The following RAPGEF4 variants were observed in gnomAD, a reference collection of about 807,000 sequenced individuals.
The protein encoded by RAPGEF4 is RAP guanine-nucleotide-exchange factor (GEF) 4.
Under a neutral mutation model 147.9 loss-of-function variants are expected in RAPGEF4, and 66 were observed. The ratio of observed to expected loss-of-function variants is 0.45; its 90% CI spans 0.37 to 0.55. The LOEUF (loss-of-function observed/expected upper bound fraction) is 0.55. Among genes scored for constraint, RAPGEF4 ranks in the 20% least tolerant of loss-of-function variants. RAPGEF4 has a pLI of 0.00. For missense variants in RAPGEF4, 1,071 were observed against 1,257.3 expected (o/e 0.85, Z 2.24); for synonymous variants, 419 against 442.7 (o/e 0.95, Z 0.67).
At chr2:172,846,303 C>T (rs1353829015) in intron 4 of RAPGEF4, among the ~76,000 whole-genome samples, 1 of 152,172 alleles carries the variant, frequency 6.6e-6, no homozygotes, top group African/African-American at 2.4e-5. Flanking sequence ...TATCAATTAG[C>T]CTTTTCTGGA....
chr2:172,914,433 A>C (rs1300403869), intron 4 of RAPGEF4, among the ~76,000 whole-genome samples: 1 of 138,334 alleles, frequency 7.2e-6, no homozygotes, highest in East Asian at 2.1e-4. Flanking sequence ...CTTCTGGTTC[A>C]AGCGATTCTC....
At chr2:173,017,064 G>A in intron 19 of RAPGEF4, 110 bp from the exon 20 acceptor site, 2 of 1,074,246 alleles carry the variant, frequency 1.9e-6, no homozygotes, top group Non-Finnish European at 2.8e-6. Flanking sequence ...TCTCCTGAAA[G>A]GATTCTGTGA....
intron 3 of RAPGEF4, among the ~76,000 whole-genome samples, chr2:172,801,101 G>A (rs1300133750): frequency 6.6e-6 from 1 of 152,140 alleles, no homozygotes; most frequent in Admixed American, 6.5e-5. Context: ...TTTTACCAAA[G>A]GCTTGAAAAC....
chr2:172,955,047 G>A (rs1183312838), intron 6 of RAPGEF4, among the ~76,000 whole-genome samples: 2 of 152,152 alleles, frequency 1.3e-5, no homozygotes, highest in East Asian at 3.9e-4. Flanking sequence ...TACCGCACTG[G>A]TTTGGCAGGA....
At chr2:172,866,754 A>T (rs1694691933) in intron 4 of RAPGEF4, among the ~76,000 whole-genome samples, 2 of 151,974 alleles carry the variant, frequency 1.3e-5, no homozygotes, top group African/African-American at 4.8e-5. Context: ...TGTTACAAAA[A>T]ACCTCTCTCA....
intron 1 of RAPGEF4, among the ~76,000 whole-genome samples, chr2:172,743,955 TG>T (rs1460576310): frequency 6.6e-6 from 1 of 152,258 alleles, no homozygotes; most frequent in East Asian, 1.9e-4. Context: ...AAGCATTCTT[TG>T]TTTGGTGTTC....
At chr2:172,769,069 G>C (rs935137535) in intron 1 of RAPGEF4, among the ~76,000 whole-genome samples, 4 of 152,194 alleles carry the variant, frequency 2.6e-5, no homozygotes, top group African/African-American at 9.7e-5. Flanking sequence ...TATGGTGGAA[G>C]GGGGAGAACT....
chr2:172,915,834 G>A (rs1269482050), intron 4 of RAPGEF4, among the ~76,000 whole-genome samples: 2 of 152,058 alleles, frequency 1.3e-5, no homozygotes, highest in East Asian at 3.8e-4. Context: ...GGAGTATGTG[G>A]TATTCTATTT....
At chr2:172,897,386 G>T (rs1698586120) in intron 4 of RAPGEF4, among the ~76,000 whole-genome samples, 1 of 151,630 alleles carries the variant, frequency 6.6e-6, no homozygotes, top group African/African-American at 2.4e-5. Flanking sequence ...GGGTTTTTGG[G>T]GTTTTTTAAA....
chr2:173,051,622 C>T lies in RAPGEF4; in HGVS notation c.2909-18C>T. 6.2e-7 allele frequency: 1 copy of T among 1,611,212 alleles called. No individual in the cohort carries two copies. The highest frequency in any genetic ancestry group is 8.5e-7 in the Non-Finnish European group (1 of 1,177,960). ...ATATATTACACAATGCCAATTCTGC[C>T]CTTTCCTCTTTCAACAGATCCTGAT... is the stretch of plus-strand genomic sequence containing the variant. On this transcript the variant is annotated intron_variant, in intron 30 of 30. Coordinates refer to ENST00000397081, the MANE Select transcript of RAPGEF4 (RefSeq NM_007023.4).
rs549698029 is a variant in RAPGEF4 at position 172,970,727 on chromosome 2, A to C, written c.1004+3283A>C. ...GCAGCATTTTAACTGTCAAACTATG[A>C]AAGAATGTTCTGTAGTTTAAAAAAC... On this transcript the variant is annotated intron_variant, in intron 10 of 30. Coordinates refer to ENST00000397081, the MANE Select transcript of RAPGEF4 (RefSeq NM_007023.4). Among the ~76,000 whole-genome samples, 10 of 152,340 alleles carry C rather than the reference A, an allele frequency of 6.6e-5. No homozygotes were observed. In the South Asian group the frequency reaches 2.1e-3, roughly 32 times the overall value.
intron 4 of RAPGEF4, among the ~76,000 whole-genome samples, chr2:172,830,250 T>G (rs2676512): frequency 0.48 from 73,265 of 152,070 alleles, 17,942 homozygotes; most frequent in East Asian, 0.57. Flanking sequence ...TGACTCTTTT[T>G]GCAGTGAAGA....
intron 1 of RAPGEF4, among the ~76,000 whole-genome samples, chr2:172,783,519 C>G (rs2149516135): frequency 6.6e-6 from 1 of 152,248 alleles, no homozygotes; most frequent in South Asian, 2.1e-4. Context: ...TGTGCCCTGT[C>G]TGACTGATGA....
chr2:172,776,612 T>G (rs976093272), intron 1 of RAPGEF4, among the ~76,000 whole-genome samples: 1 of 152,188 alleles, frequency 6.6e-6, no homozygotes. Context: ...CTAATTGTTA[T>G]TACTGTTTTT....
intron 3 of RAPGEF4, among the ~76,000 whole-genome samples, chr2:172,799,772 T>C (rs1686784350): frequency 1.3e-5 from 2 of 151,978 alleles, no homozygotes; most frequent in African/African-American, 2.4e-5. Context: ...AGAGGAAATC[T>C]CGAGAAGGAG....
At chr2:173,012,349 T>TA (rs1249947323) in intron 17 of RAPGEF4, among the ~76,000 whole-genome samples, 1 of 152,120 alleles carries the variant, frequency 6.6e-6, no homozygotes. Context: ...CACTGACTCT[T>TA]ACATTTATAG....
chr2:173,031,261 A>G (rs1395331467), intron 26 of RAPGEF4, among the ~76,000 whole-genome samples: 1 of 152,180 alleles, frequency 6.6e-6, no homozygotes, highest in African/African-American at 2.4e-5. Context: ...GATGCAGCAC[A>G]CAGCAGCTCA....
At chr2:172,942,750 A>C (rs1425113694) in intron 6 of RAPGEF4, among the ~76,000 whole-genome samples, 2 of 152,138 alleles carry the variant, frequency 1.3e-5, no homozygotes, top group African/African-American at 4.8e-5. Context: ...AGGTGAAATT[A>C]ATTTTAATAA....
At chr2:172,882,297 T>G (rs1313293744) in intron 4 of RAPGEF4, among the ~76,000 whole-genome samples, 1 of 152,154 alleles carries the variant, frequency 6.6e-6, no homozygotes, top group Non-Finnish European at 1.5e-5. Flanking sequence ...TGAAATGAAT[T>G]CCTCTTTGCA....
Sources: allele counts gnomAD v4.1 joint callset (sites outside exome capture counted in the v4.1 genomes callset), GRCh38; gene constraint gnomAD v4.1.1; transcripts MANE v1.5; gene names NCBI Gene and HGNC (gene_info 2026-07-23, HGNC 2026-07-21).